Variants in PLA2G15 observed in about 807,000 individuals in gnomAD.
PLA2G15 encodes the protein phospholipase A2 group XV.
A neutral mutation model predicts 40.9 loss-of-function variants in PLA2G15; 20 were observed. The ratio of observed to expected loss-of-function variants is 0.49; its 90% confidence interval spans 0.34 to 0.71. The LOEUF is 0.71. Ranked by LOEUF, PLA2G15 falls within the 30% of genes least tolerant of loss-of-function variation. PLA2G15 has a pLI of 0.01. For synonymous variants in PLA2G15, 223 were observed against 228.2 expected (o/e 0.98, Z 0.21); for missense variants, 471 against 541.9 (o/e 0.87, Z 1.30).
intron 2 of PLA2G15, chr16:68,250,174 CTTTTTTT>C (rs1175749953): frequency 2.5e-4 from 34 of 134,190 alleles, no homozygotes; most frequent in South Asian, 9.6e-4. Context: ...CTTCCATTCA[CTTTTTTT>C]TTTTTTTTTT....
At position 68,255,903 on chromosome 16, in the gene PLA2G15, G is replaced by A. The variant is rs762939782; in HGVS notation, c.640G>A (p.Ala214Thr). Reference protein sequence around the residue: ...TLYFLQRQPQAWKDKYIRAFV... With the variant: ...TLYFLQRQPQTWKDKYIRAFV... Reference sequence around the variant, plus strand: ...CTACTTTCTGCAGCGGCAGCCGCAGGCCTGGAAGGACAAGTATATCCGGGC... The same window carrying A: ...CTACTTTCTGCAGCGGCAGCCGCAGACCTGGAAGGACAAGTATATCCGGGC... Residue 214 changes from alanine to threonine, a missense_variant, in exon 5 of 6, where the codon GCC becomes ACC. By Grantham distance (58) the Ala-to-Thr change is moderately conservative. Coordinates refer to ENST00000219345, the MANE Select transcript of PLA2G15 (RefSeq NM_012320.4). This position sits in a 1 kb window ranked among gnomAD's most constrained non-coding sequence, Gnocchi z 5.9. The A allele has an allele frequency of 2.5e-6, 4 of 1,613,840 alleles. No individual in the cohort carries two copies. In the East Asian group the frequency reaches 8.9e-5, roughly 36 times the overall value.
chr16:68,256,020 GC>G (rs753423396), intron 5 of PLA2G15, 30 bp downstream of exon 5: 1 of 1,444,006 alleles, frequency 6.9e-7, no homozygotes, highest in East Asian at 2.3e-5. Context: ...AGCGTGGGGG[GC>G]TGTTGCCAGG....
chr16:68,253,991 T>C (rs1314240316), intron 2 of PLA2G15, among the ~76,000 whole-genome samples: 1 of 152,162 alleles, frequency 6.6e-6, no homozygotes, highest in Non-Finnish European at 1.5e-5. Context: ...ACCCGGCCCC[T>C]GTCTGGTTCT....
chr16:68,255,463 C>A lies in PLA2G15; in HGVS notation c.502+83C>A. 1 of 929,976 alleles carries A rather than the reference C, an allele frequency of 1.1e-6. No individual in the cohort carries two copies. The highest frequency in any genetic ancestry group is 1.7e-5 in the South Asian group (1 of 59,896). 57.6% of individuals were successfully genotyped at this position (929,976 alleles called of 1,614,324 possible). A position where few individuals can be genotyped will look rare whatever the true frequency, so the allele number is the denominator to read the frequency against. ...ATGGGCACCACAGACCTTGGGCTCT[C>A]CCCTTGTCCTTGGCTGTCTCCTGTC... On this transcript the variant is annotated intron_variant, in intron 4 of 5. Coordinates refer to ENST00000219345, the MANE Select transcript of PLA2G15 (RefSeq NM_012320.4). The surrounding 1 kb of genome is among the most constrained non-coding windows in gnomAD (Gnocchi z 5.9).
chr16:68,257,042 G>T (rs1040499929), intron 5 of PLA2G15, among the ~76,000 whole-genome samples: 1 of 151,754 alleles, frequency 6.6e-6, no homozygotes, highest in South Asian at 2.1e-4. Context: ...CACCACACCC[G>T]GCTAATTTTT....
chr16:68,246,883 A>AGG (rs1393289833), intron 1 of PLA2G15, among the ~76,000 whole-genome samples: 1 of 152,036 alleles, frequency 6.6e-6, no homozygotes. Flanking sequence ...GGGTCATCTG[A>AGG]ACTTTATCTT....
Position 68,245,536 on chromosome 16 carries a change from A to AC in PLA2G15, c.116dup (p.Val40SerfsTer7). ...GACCCAGCGCTCCCGGCCGGACGTC[A>AC]CCCCCCAGTGGTGCTGGGTGAGGCA... On this transcript the variant is annotated frameshift_variant, in exon 1 of 6. Transcript: ENST00000219345. LOFTEE classifies it high-confidence loss of function. 8.8e-6 allele frequency: 14 copies of AC among 1,582,492 alleles called. No homozygotes were observed. The highest frequency in any genetic ancestry group is 1.2e-5 in the Non-Finnish European group (14 of 1,170,706).
In PLA2G15 at chr16:68,255,053, T is replaced by C; in HGVS notation, c.403+16T>C. ...AGCAGCGTGGGTATGTAGCCCTTAC[T>C]CAAGGCCTCCGGGAGCTGGGATGGG... On this transcript the variant is annotated intron_variant, in intron 3 of 5. Coordinates refer to ENST00000219345, the MANE Select transcript of PLA2G15 (RefSeq NM_012320.4). The surrounding 1 kb of genome is among the most constrained non-coding windows in gnomAD (Gnocchi z 5.9). 6.6e-7 allele frequency: 1 copy of C among 1,523,218 alleles called. No individual in the cohort carries two copies. The highest frequency in any genetic ancestry group is 1.4e-5 in the African/African-American group (1 of 73,278). 94.4% of individuals were successfully genotyped at this position (1,523,218 alleles called of 1,614,324 possible).
Position 68,245,402 on chromosome 16 carries a change from G to A in PLA2G15, c.-25G>A, listed in dbSNP as rs1250460547. The A allele has an allele frequency of 1.2e-6, 2 of 1,600,208 alleles. No homozygotes were observed. The highest frequency in any genetic ancestry group is 1.7e-6 in the Non-Finnish European group (2 of 1,178,850). ...GCCCAGAGAGCTGAACCTGCATCCC[G>A]GACCTGCGGCGACCGTCGTACACCA... On this transcript the variant is annotated 5_prime_UTR_variant, in exon 1 of 6. Coordinates refer to ENST00000219345, the MANE Select transcript of PLA2G15 (RefSeq NM_012320.4).
chr16:68,252,694 G>T (rs2042365735), intron 2 of PLA2G15: 1 of 441,796 alleles, frequency 2.3e-6, no homozygotes, highest in South Asian at 1.6e-5. Flanking sequence ...TAGGCTGGGT[G>T]CAGTGGCTCA....
chr16:68,249,479 C>T (rs1298471718), intron 2 of PLA2G15, 33 bp downstream of exon 2: 11 of 1,607,152 alleles, frequency 6.8e-6, no homozygotes, highest in Non-Finnish European at 8.5e-6. Context: ...GGGGGTGCTG[C>T]TCACCAACAG....
At chr16:68,251,690 GAAAATACA>G (rs1452882188) in intron 2 of PLA2G15, among the ~76,000 whole-genome samples, 14 of 151,454 alleles carry the variant, frequency 9.2e-5, no homozygotes, top group African/African-American at 2.4e-5. Context: ...TCAAAAAAAA[GAAAATACA>G]AAAATACAAA....
At position 68,259,007 on chromosome 16, in the gene PLA2G15, A is replaced by G; in HGVS notation, c.728-139A>G. 2 of 687,330 alleles carry G rather than the reference A, an allele frequency of 2.9e-6. No homozygotes were observed. Among genetic ancestry groups the G allele is most frequent in the Non-Finnish European group, 5.0e-6 (2 of 400,392 alleles). The allele number at this position is 687,330 out of a possible 1,614,324, so 42.6% of individuals were successfully genotyped here. ...GGCAGGGATGGGAGTCACAGTGATT[A>G]CAATGATGATAACCGGGTAGAGATG... is the stretch of plus-strand genomic sequence containing the variant. On this transcript the variant is annotated intron_variant, in intron 5 of 5. Coordinates refer to ENST00000219345, the MANE Select transcript of PLA2G15 (RefSeq NM_012320.4). This position sits in a 1 kb window ranked among gnomAD's most constrained non-coding sequence, Gnocchi z 6.5.
intron 1 of PLA2G15, among the ~76,000 whole-genome samples, chr16:68,246,867 CT>C (rs1427642478): frequency 1.3e-5 from 2 of 152,124 alleles, no homozygotes; most frequent in African/African-American, 4.8e-5. Context: ...GGACTTGTGA[CT>C]GGTTGGGTCA....
At chr16:68,258,469 G>A (rs991314885) in intron 5 of PLA2G15, among the ~76,000 whole-genome samples, 4 of 152,084 alleles carry the variant, frequency 2.6e-5, no homozygotes, top group Non-Finnish European at 5.9e-5. Context: ...TCACCCTGTG[G>A]GTATGTGCCG....
chr16:68,247,120 T>C (rs1296773443), intron 1 of PLA2G15, among the ~76,000 whole-genome samples: 2 of 151,914 alleles, frequency 1.3e-5, no homozygotes, highest in Non-Finnish European at 2.9e-5. Flanking sequence ...CATGCCCAGC[T>C]TCTCAGGGAG....
At position 68,259,778 on chromosome 16, in the gene PLA2G15, T is replaced by G; in HGVS notation, c.*121T>G. The G allele has an allele frequency of 1.2e-6, 1 of 857,080 alleles. No individual in the cohort carries two copies. Among genetic ancestry groups the G allele is most frequent in the East Asian group, 2.6e-5 (1 of 39,142 alleles). 53.1% of individuals were successfully genotyped at this position (857,080 alleles called of 1,614,324 possible). On this transcript the variant is annotated 3_prime_UTR_variant, in exon 6 of 6. Transcript: ENST00000219345. This position sits in a 1 kb window ranked among gnomAD's most constrained non-coding sequence, Gnocchi z 6.5. ...CCATTCAAGGCCCCGAGTCTTGGACTGTGAAGCATCTGCCATGGGGAAGTG... is the reference window on the plus strand; with the variant it reads ...CCATTCAAGGCCCCGAGTCTTGGACGGTGAAGCATCTGCCATGGGGAAGTG...
rs1195466362 is a variant in PLA2G15 at position 68,259,661 on chromosome 16, C to T, written c.*4C>T. The T allele has an allele frequency of 1.2e-6, 2 of 1,608,422 alleles. No homozygotes were observed. The highest frequency in any genetic ancestry group is 2.2e-5 in the East Asian group (1 of 44,764). On this transcript the variant is annotated 3_prime_UTR_variant, in exon 6 of 6. Coordinates refer to ENST00000219345, the MANE Select transcript of PLA2G15 (RefSeq NM_012320.4). This position sits in a 1 kb window ranked among gnomAD's most constrained non-coding sequence, Gnocchi z 6.5. Reference sequence around the variant, plus strand: ...ACGTGTGCTCCTTGGGCCCTGACTCCTGTGCCACAGGACTCCTGTGGCTCG... The same window carrying T: ...ACGTGTGCTCCTTGGGCCCTGACTCTTGTGCCACAGGACTCCTGTGGCTCG...
At position 68,259,965 on chromosome 16, in the gene PLA2G15, G is replaced by A. The variant is rs1310268814; in HGVS notation, c.*308G>A. On this transcript the variant is annotated 3_prime_UTR_variant, in exon 6 of 6. Coordinates refer to ENST00000219345, the MANE Select transcript of PLA2G15 (RefSeq NM_012320.4). The surrounding 1 kb of genome is among the most constrained non-coding windows in gnomAD (Gnocchi z 6.5). ...TGGGCCCTGGTCCCAGTCCCTGCCT[G>A]GGGCCATGTGTCCCCCCTATTCCTG... is the stretch of plus-strand genomic sequence containing the variant. 3 of 427,864 alleles carry A rather than the reference G, an allele frequency of 7.0e-6. No homozygotes were observed. The Admixed American group carries it at 1.2e-4, about 17-fold the overall frequency. The allele number at this position is 427,864 out of a possible 1,614,324, so 26.5% of individuals were successfully genotyped here. A position where few individuals can be genotyped will look rare whatever the true frequency, so the allele number is the denominator to read the frequency against.
Sources: allele counts gnomAD v4.1 joint callset (sites outside exome capture counted in the v4.1 genomes callset), GRCh38; gene constraint gnomAD v4.1.1; non-coding constraint Gnocchi (gnomAD v3.1); transcripts MANE v1.5; gene names NCBI Gene and HGNC (gene_info 2026-07-23, HGNC 2026-07-21).